Variants in GNG7 observed in about 807,000 individuals in gnomAD.
The protein encoded by GNG7 is G protein subunit gamma 7.
A neutral mutation model predicts 4.0 loss-of-function variants in GNG7; 1 was observed. That is an observed-to-expected ratio of 0.25 (90% CI 0.09 to 1.18). The LOEUF (loss-of-function observed/expected upper bound fraction) is 1.18, where lower values mean the gene tolerates loss of function less well. Ranked by LOEUF, GNG7 falls within the 50% of genes most tolerant of loss-of-function variation. The pLI, the probability that GNG7 is intolerant of heterozygous loss-of-function variation, is 0.50. For missense variants in GNG7, 86 were observed against 91.9 expected (o/e 0.94, Z 0.26); for synonymous variants, 34 against 36.9 (o/e 0.92, Z 0.29).
intron 4 of GNG7, among the ~76,000 whole-genome samples, chr19:2,520,134 T>C (rs962249504): frequency 2.6e-5 from 4 of 152,170 alleles, no homozygotes; most frequent in African/African-American, 9.7e-5. Flanking sequence ...TGAGCCGAGA[T>C]CGCGCCACTG....
At chr19:2,535,571 G>A (rs1978710408) in intron 3 of GNG7, among the ~76,000 whole-genome samples, 1 of 152,008 alleles carries the variant, frequency 6.6e-6, no homozygotes, top group Admixed American at 6.6e-5. Context: ...ACATTTGCTT[G>A]GGGCCTGAAG....
At chr19:2,581,952 C>A (rs1980517552) in intron 2 of GNG7, among the ~76,000 whole-genome samples, 1 of 152,112 alleles carries the variant, frequency 6.6e-6, no homozygotes, top group African/African-American at 2.4e-5. Flanking sequence ...AGCCAGGGTG[C>A]CAGCATCATC....
chr19:2,553,625 A>G (rs950291121), intron 3 of GNG7, among the ~76,000 whole-genome samples: 5 of 93,214 alleles, frequency 5.4e-5, no homozygotes, highest in South Asian at 3.5e-4. Flanking sequence ...ACATACATGC[A>G]CACGTTACAT....
At chr19:2,666,681 T>G (rs1371861279) in intron 1 of GNG7, among the ~76,000 whole-genome samples, 1 of 152,164 alleles carries the variant, frequency 6.6e-6, no homozygotes, top group Non-Finnish European at 1.5e-5. Context: ...ATGTAAAAAT[T>G]TTCAGCCTTA....
At chr19:2,568,308 T>TACAC (rs1373972939) in intron 2 of GNG7, among the ~76,000 whole-genome samples, 29 of 130,492 alleles carry the variant, frequency 2.2e-4, no homozygotes, top group Non-Finnish European at 4.3e-4. Flanking sequence ...CGCACACACA[T>TACAC]ACACACGCAC....
chr19:2,701,701 A>C, intron 1 of GNG7, among the ~76,000 whole-genome samples: 2 of 119,462 alleles, frequency 1.7e-5, no homozygotes, highest in East Asian at 2.5e-4. Context: ...TTCAAACTCC[A>C]TCCCCAGCCC....
At chr19:2,683,800 AC>A (rs1422983950) in intron 1 of GNG7, 4 of 152,286 alleles carry the variant, frequency 2.6e-5, no homozygotes, top group African/African-American at 9.6e-5. Context: ...CGGCTCTTGC[AC>A]AGGGACGGGC....
At chr19:2,692,417 T>C (rs146424725) in intron 1 of GNG7, among the ~76,000 whole-genome samples, 3,032 of 151,420 alleles carry the variant, frequency 0.02, 93 homozygotes, top group African/African-American at 0.071. Flanking sequence ...AGGCAGATCA[T>C]GAGGTCAGGA....
intron 2 of GNG7, among the ~76,000 whole-genome samples, chr19:2,588,026 G>C (rs1434252975): frequency 6.6e-6 from 1 of 152,156 alleles, no homozygotes; most frequent in East Asian, 1.9e-4. Flanking sequence ...ATTCAAGCCA[G>C]GGCAACTGGG....
At chr19:2,559,901 C>T (rs558740685) in intron 2 of GNG7, among the ~76,000 whole-genome samples, 17 of 152,202 alleles carry the variant, frequency 1.1e-4, no homozygotes, top group Admixed American at 8.5e-4. Context: ...GCTTTTCTCA[C>T]CTACCAGTTC....
At chr19:2,574,524 C>T (rs1160050525) in intron 2 of GNG7, among the ~76,000 whole-genome samples, 1 of 152,166 alleles carries the variant, frequency 6.6e-6, no homozygotes, top group Non-Finnish European at 1.5e-5. Context: ...GCGTGAGGTC[C>T]TCAAGGTTCA....
chr19:2,572,755 G>A (rs966152051), intron 2 of GNG7, among the ~76,000 whole-genome samples: 34 of 151,624 alleles, frequency 2.2e-4, no homozygotes, highest in Middle Eastern at 3.4e-3. Flanking sequence ...CAGCATGCAC[G>A]GCTAACTTAA....
In GNG7 at chr19:2,514,681, G is replaced by A. The variant is rs867375975; in HGVS notation, c.*341C>T. The A allele has an allele frequency of 1.5e-4, 28 of 181,260 alleles. No homozygotes were observed. The highest frequency in any genetic ancestry group is 1.3e-3 in the Admixed American group (22 of 17,268). The allele number at this position is 181,260 out of a possible 1,614,324, so 11.2% of individuals were successfully genotyped here. On this transcript the variant is annotated 3_prime_UTR_variant, in exon 5 of 5. Coordinates refer to ENST00000382159, the MANE Select transcript of GNG7 (RefSeq NM_052847.3). ...CCGGTCCACAATTGAAACGGCAATC[G>A]AGAGTTTTAAAAAATTGTTACCCCA...
Position 2,546,056 on chromosome 19 carries a change from C to T in GNG7, c.-38+9093G>A, listed in dbSNP as rs1354720466. On this transcript the variant is annotated intron_variant, in intron 3 of 4. Transcript: ENST00000382159. The surrounding 1 kb of genome is among the most constrained non-coding windows in gnomAD (Gnocchi z 6.3). ...ATCAGGGTGAGAAGGCACAGGGCAACGATCAGGCGTTGATGTGTCCCCTGG... is the reference window on the plus strand; with the variant it reads ...ATCAGGGTGAGAAGGCACAGGGCAATGATCAGGCGTTGATGTGTCCCCTGG... Among the ~76,000 whole-genome samples, 2 of 152,216 alleles carry T rather than the reference C, an allele frequency of 1.3e-5. No individual in the cohort carries two copies. Among genetic ancestry groups the T allele is most frequent in the African/African-American group, 4.8e-5 (2 of 41,466 alleles).
chr19:2,522,873 G>C (rs1978317795), intron 3 of GNG7, among the ~76,000 whole-genome samples: 2 of 150,852 alleles, frequency 1.3e-5, no homozygotes, highest in Admixed American at 1.3e-4. Context: ...GTGTTTAAGA[G>C]GACTTTTTTT....
chr19:2,545,034 C>T (rs980319864), intron 3 of GNG7, among the ~76,000 whole-genome samples: 2 of 152,164 alleles, frequency 1.3e-5, no homozygotes, highest in Non-Finnish European at 2.9e-5. Flanking sequence ...CCTCCCAGCT[C>T]GGTGTGGATT....
chr19:2,696,255 AGAAAGAAAGAGAAG>A (rs1243970720), intron 1 of GNG7, among the ~76,000 whole-genome samples: 2 of 148,338 alleles, frequency 1.3e-5, no homozygotes, highest in Admixed American at 1.4e-4. Context: ...AAAAGAAAAA[AGAAAGAAAGAGAAG>A]GAGAGAAAGA....
intron 2 of GNG7, among the ~76,000 whole-genome samples, chr19:2,568,914 T>C (rs1202984463): frequency 6.6e-6 from 1 of 151,850 alleles, no homozygotes; most frequent in Non-Finnish European, 1.5e-5. Context: ...ACTATACACA[T>C]ATACATACAT....
chr19:2,635,586 A>ATTTTT (rs35015157), intron 2 of GNG7, among the ~76,000 whole-genome samples: 1 of 145,462 alleles, frequency 6.9e-6, no homozygotes, highest in Non-Finnish European at 1.5e-5. Context: ...ACTTGGGGTG[A>ATTTTT]TTTTTTTTTT....
Sources: allele counts gnomAD v4.1 joint callset (sites outside exome capture counted in the v4.1 genomes callset), GRCh38; gene constraint gnomAD v4.1.1; non-coding constraint Gnocchi (gnomAD v3.1); transcripts MANE v1.5; gene names NCBI Gene and HGNC (gene_info 2026-07-23, HGNC 2026-07-21).